PELI2: variants seen among roughly 807,000 people sequenced by gnomAD.
The protein encoded by PELI2 is E3 ubiquitin-protein ligase pellino homolog 2.
In PELI2, 23 loss-of-function variants were observed where a neutral mutation model predicts 42.3. The observed-to-expected ratio is 0.54, with a 90% confidence interval of 0.39 to 0.77. The LOEUF is 0.77. Among genes scored for constraint, PELI2 ranks in the 30% least tolerant of loss-of-function variants. PELI2 has a pLI of 0.00. For synonymous variants in PELI2, 245 were observed against 212.2 expected (o/e 1.15, Z -1.34); for missense variants, 463 against 553.2 (o/e 0.84, Z 1.64).
At chr14:56,238,720 A>T (rs906392610) in intron 2 of PELI2, among the ~76,000 whole-genome samples, 2 of 152,176 alleles carry the variant, frequency 1.3e-5, no homozygotes, top group Admixed American at 6.5e-5. Flanking sequence ...AGTTCGTGAA[A>T]CTAATTGTAC....
chr14:56,165,857 C>A (rs1884940374), intron 1 of PELI2, among the ~76,000 whole-genome samples: 1 of 152,012 alleles, frequency 6.6e-6, no homozygotes, highest in African/African-American at 2.4e-5. Flanking sequence ...TTTCCATTGG[C>A]TGGAATAACT....
At chr14:56,140,222 G>T (rs113442909) in intron 1 of PELI2, among the ~76,000 whole-genome samples, 253 of 151,820 alleles carry the variant, frequency 1.7e-3, no homozygotes, top group African/African-American at 6.0e-3. Context: ...CATGAATGTC[G>T]TCAGGACTTG....
intron 1 of PELI2, 84 bp from the exon 2 acceptor site, chr14:56,178,249 CTT>C: frequency 2.1e-6 from 3 of 1,416,272 alleles, no homozygotes; most frequent in Non-Finnish European, 2.9e-6. Flanking sequence ...CCATTCCTGT[CTT>C]TTCCCTTATT....
At chr14:56,130,920 C>T (rs1264947957) in intron 1 of PELI2, among the ~76,000 whole-genome samples, 1 of 152,142 alleles carries the variant, frequency 6.6e-6, no homozygotes, top group African/African-American at 2.4e-5. Context: ...GCTTTTGTTG[C>T]TGTCGTTGGT....
chr14:56,207,014 A>G (rs1886542145), intron 2 of PELI2, among the ~76,000 whole-genome samples: 1 of 152,234 alleles, frequency 6.6e-6, no homozygotes, highest in African/African-American at 2.4e-5. Context: ...ATGGGTATTC[A>G]ATTGTAATTC....
intron 2 of PELI2, among the ~76,000 whole-genome samples, chr14:56,225,939 T>C (rs1335751304): frequency 6.6e-6 from 1 of 152,156 alleles, no homozygotes; most frequent in Non-Finnish European, 1.5e-5. Flanking sequence ...TGTGATAATA[T>C]ACTGTGAAAC....
At chr14:56,241,514 C>T (rs1887972765) in intron 2 of PELI2, among the ~76,000 whole-genome samples, 2 of 152,120 alleles carry the variant, frequency 1.3e-5, no homozygotes, top group African/African-American at 4.8e-5. Context: ...GAGGGCCTAC[C>T]AGAGGACAGG....
rs550667699 is a variant in PELI2 at position 56,181,874 on chromosome 14, T to G, written c.207+3410T>G. ...TGTGTGTGTGTGTGTGTGTGTGTGT[T>G]TTTAAATTAAAAGTCCTGTTTTACT... On this transcript the variant is annotated intron_variant, in intron 2 of 5. Transcript: ENST00000267460. Among the ~76,000 whole-genome samples, 428 of 145,440 alleles carry G rather than the reference T, an allele frequency of 2.9e-3. 3 individuals are homozygous for G. The highest frequency in any genetic ancestry group is 0.014 in the Middle Eastern group (4 of 282).
chr14:56,149,126 T>G (rs1884242457), intron 1 of PELI2, among the ~76,000 whole-genome samples: 1 of 152,232 alleles, frequency 6.6e-6, no homozygotes, highest in African/African-American at 2.4e-5. Flanking sequence ...CAACTAGGGT[T>G]TAAATCTTTT....
intron 2 of PELI2, among the ~76,000 whole-genome samples, chr14:56,277,476 A>G (rs1889335532): frequency 6.6e-6 from 1 of 151,986 alleles, no homozygotes; most frequent in Non-Finnish European, 1.5e-5. Flanking sequence ...CACTGATTCA[A>G]CATTATGGTG....
At chr14:56,123,051 A>G (rs1431307874) in intron 1 of PELI2, among the ~76,000 whole-genome samples, 1 of 152,222 alleles carries the variant, frequency 6.6e-6, no homozygotes, top group African/African-American at 2.4e-5. Context: ...CTGAAAAATG[A>G]AGTATTTTAG....
At chr14:56,124,934 C>A (rs964376297) in intron 1 of PELI2, among the ~76,000 whole-genome samples, 32 of 152,232 alleles carry the variant, frequency 2.1e-4, no homozygotes, top group Middle Eastern at 3.4e-3. Flanking sequence ...TCATGAAGGG[C>A]TTATAAGATA....
At chr14:56,218,169 C>G (rs1182839743) in intron 2 of PELI2, among the ~76,000 whole-genome samples, 2 of 152,186 alleles carry the variant, frequency 1.3e-5, no homozygotes, top group Non-Finnish European at 2.9e-5. Flanking sequence ...TGATTTTGTC[C>G]CTTCCTTGGC....
chr14:56,245,241 G>A lies in PELI2; in HGVS notation c.208-34435G>A, dbSNP rs142684831. Among the ~76,000 whole-genome samples the A allele has an allele frequency of 9.6e-4, 146 of 152,276 alleles. 2 individuals carry two copies. Among genetic ancestry groups the A allele is most frequent in the African/African-American group, 3.3e-3 (136 of 41,568 alleles). On this transcript the variant is annotated intron_variant, in intron 2 of 5. Transcript: ENST00000267460. ...CAAAACACTGCAACAGTTACCAACA[G>A]TCTGTACAGTGCATGAGTTGTGATT...
intron 1 of PELI2, chr14:56,144,895 C>T (rs1309791148): frequency 8.2e-6 from 6 of 735,564 alleles, no homozygotes; most frequent in Non-Finnish European, 1.0e-5. Flanking sequence ...GGATTTCCAT[C>T]CTACTATTTC....
chr14:56,295,159 CCT>C (rs988959603), intron 5 of PELI2, among the ~76,000 whole-genome samples: 6 of 152,078 alleles, frequency 3.9e-5, no homozygotes, highest in Non-Finnish European at 8.8e-5. Flanking sequence ...GTGTACTCAC[CCT>C]CTCTACCCAG....
At position 56,135,128 on chromosome 14, in the gene PELI2, G is replaced by A. The variant is rs375078950; in HGVS notation, c.77+16391G>A. On this transcript the variant is annotated intron_variant, in intron 1 of 5. Coordinates refer to ENST00000267460, the MANE Select transcript of PELI2 (RefSeq NM_021255.3). ...TTAATGGTGTCTCTGCAACCCCAGA[G>A]CTGTAGTATAACTGTGAAAGCTACA... Among the ~76,000 whole-genome samples, 20 of 152,314 alleles carry A rather than the reference G, an allele frequency of 1.3e-4. 1 individual carries two copies. Among genetic ancestry groups the A allele is most frequent in the Admixed American group, 8.5e-4 (13 of 15,296 alleles).
At chr14:56,167,839 A>G (rs975496368) in intron 1 of PELI2, among the ~76,000 whole-genome samples, 2 of 152,136 alleles carry the variant, frequency 1.3e-5, no homozygotes, top group Non-Finnish European at 2.9e-5. Context: ...TGGATATTTG[A>G]AAGGACTTAG....
At position 56,180,681 on chromosome 14, in the gene PELI2, C is replaced by G. The variant is rs1437632278; in HGVS notation, c.207+2217C>G. 6.6e-6 allele frequency among the ~76,000 whole-genome samples: 1 copy of G among 152,024 alleles called. No homozygotes were observed. The highest frequency in any genetic ancestry group is 1.9e-4 in the East Asian group (1 of 5,182). On this transcript the variant is annotated intron_variant, in intron 2 of 5. Coordinates refer to ENST00000267460, the MANE Select transcript of PELI2 (RefSeq NM_021255.3). The surrounding 1 kb of genome is among the most constrained non-coding windows in gnomAD (Gnocchi z 4.4). ...TCCCGGCCAGCTGTACCCGGCCACT[C>G]CTGCTGCTTGGTTTGCTCTGTTGGC...
Sources: gnomAD v4.1 joint callset for allele counts (sites outside exome capture counted in the v4.1 genomes callset) on GRCh38, gnomAD v4.1.1 for gene constraint, Gnocchi (gnomAD v3.1) non-coding constraint, MANE v1.5 for transcripts, NCBI Gene and HGNC (gene_info 2026-07-23, HGNC 2026-07-21) for gene names.